The following SMARCB1 variants were observed in gnomAD, a reference collection of about 807,000 sequenced individuals.
The protein encoded by SMARCB1 is SWI/SNF related BAF chromatin remodeling complex subunit B1.
Under a neutral mutation model 49.0 loss-of-function variants are expected in SMARCB1, and 5 were observed. That is an observed-to-expected ratio of 0.10 (90% CI 0.05 to 0.21). The LOEUF (loss-of-function observed/expected upper bound fraction) is 0.21. SMARCB1 is among the 10% of genes least tolerant of loss of function. The pLI is 1.00. For synonymous variants in SMARCB1, 201 were observed against 200.1 expected, an observed-to-expected ratio of 1.00 and a Z score of -0.04; for missense variants, 226 against 509.2, an observed-to-expected ratio of 0.44 and a Z score of 5.35.
At chr22:23,789,085 A>G (rs1928203849) in intron 1 of SMARCB1, among the ~76,000 whole-genome samples, 2 of 152,160 alleles carry the variant, frequency 1.3e-5, no homozygotes, top group African/African-American at 4.8e-5. Flanking sequence ...TGTGAGCTCA[A>G]GTGATCTGCC....
At chr22:23,803,228 A>T (rs1249969926) in intron 4 of SMARCB1, 67 bp from the exon 5 acceptor site, 3 of 1,606,412 alleles carry the variant, frequency 1.9e-6, no homozygotes, top group Admixed American at 1.7e-5. Context: ...GCAGAGAGAG[A>T]GGCTGAAAAT....
At chr22:23,794,033 C>T (rs976857274) in intron 3 of SMARCB1, among the ~76,000 whole-genome samples, 13 of 152,180 alleles carry the variant, frequency 8.5e-5, no homozygotes, top group African/African-American at 2.7e-4. Context: ...CAACTTCTGC[C>T]TACTGGGTTC....
At chr22:23,801,340 G>A (rs1383006390) in intron 4 of SMARCB1, 7 of 698,646 alleles carry the variant, frequency 1.0e-5, no homozygotes, top group South Asian at 6.0e-5. Context: ...CTCAGGGCGC[G>A]GTCCTTGGGC....
In SMARCB1 at chr22:23,833,581, T is replaced by A; in HGVS notation, c.996T>A (p.Pro332=). 6.2e-7 allele frequency: 1 copy of A among 1,614,196 alleles called. No homozygotes were observed. Among genetic ancestry groups the A allele is most frequent in the Non-Finnish European group, 8.5e-7 (1 of 1,180,028 alleles). ...HQKTYAFSEN[P]LPTVEIAIRN... ...CCTCCCCTCCTCGTAGCGAGAACCC[T>A]CTGCCCACAGTGGAGATTGCCATCC... Residue 332 remains proline (P), a synonymous_variant, in exon 8 of 9, where the codon CCT becomes CCA. Transcript: ENST00000644036.
At chr22:23,798,650 C>A (rs1163851091) in intron 3 of SMARCB1, among the ~76,000 whole-genome samples, 1 of 152,092 alleles carries the variant, frequency 6.6e-6, no homozygotes, top group Non-Finnish European at 1.5e-5. Context: ...AGTTAAAGGG[C>A]CCAGAGTCCA....
chr22:23,804,883 C>T (rs1369201982), intron 5 of SMARCB1, among the ~76,000 whole-genome samples: 3 of 152,146 alleles, frequency 2.0e-5, no homozygotes, highest in Non-Finnish European at 2.9e-5. Context: ...AGCATTTTCT[C>T]CTGGGTCAAG....
chr22:23,795,882 C>T (rs1295367190), intron 3 of SMARCB1, among the ~76,000 whole-genome samples: 7 of 150,412 alleles, frequency 4.7e-5, no homozygotes, highest in Non-Finnish European at 4.4e-5. Context: ...CCTCCGCCTC[C>T]TGGGTTCAAG....
At chr22:23,826,127 G>C (rs1038538860) in intron 7 of SMARCB1, 1 of 152,734 alleles carries the variant, frequency 6.5e-6, no homozygotes, top group East Asian at 1.9e-4. Context: ...AGAGTTAAAA[G>C]TGAGGTCAAG....
At chr22:23,811,765 A>T (rs1383569739) in intron 5 of SMARCB1, among the ~76,000 whole-genome samples, 1 of 152,234 alleles carries the variant, frequency 6.6e-6, no homozygotes, top group Non-Finnish European at 1.5e-5. Flanking sequence ...CAAGTCGATA[A>T]TCTAAGCTCT....
intron 7 of SMARCB1, among the ~76,000 whole-genome samples, chr22:23,828,209 C>G (rs778792117): frequency 7.2e-5 from 11 of 152,110 alleles, no homozygotes; most frequent in African/African-American, 2.7e-4. Flanking sequence ...CCCGCCACCA[C>G]GCCCAGCTAA....
chr22:23,801,716 A>G (rs555915630), intron 4 of SMARCB1: 2 of 262,288 alleles, frequency 7.6e-6, no homozygotes, highest in African/African-American at 4.4e-5. Context: ...ACACTTGGCG[A>G]TGTAATTTAG....
chr22:23,803,131 C>A, intron 4 of SMARCB1, 164 bp from the exon 5 acceptor site: 2 of 860,414 alleles, frequency 2.3e-6, no homozygotes, highest in South Asian at 1.4e-5. Flanking sequence ...ACCGTGGCCC[C>A]GGGACCCCTG....
chr22:23,836,598 GTTTC>G lies in SMARCB1; in HGVS notation c.*2422_*2425del. On this transcript the variant is annotated 3_prime_UTR_variant, in exon 9 of 9. Transcript: ENST00000644036. ...AAGCTCTGCCAGGCAACCATGGGCA[GTTTC>G]TTTGCCCTCTGTGGGCACCCCTATC... is the stretch of plus-strand genomic sequence containing the variant. 1 of 1,182,812 alleles carries G rather than the reference GTTTC, an allele frequency of 8.5e-7. No homozygotes were observed. The highest frequency in any genetic ancestry group is 4.1e-5 in the South Asian group (1 of 24,346). 73.3% of individuals were successfully genotyped at this position (1,182,812 alleles called of 1,614,324 possible).
Position 23,816,664 on chromosome 22 carries a change from C to A in SMARCB1, c.629-106C>A, listed in dbSNP as rs527557153. ...ACCCCCAGTGCCCTGGTTGTCCTCT[C>A]CTGCATCCGGAGATGTTTGGCTTCA... is the stretch of plus-strand genomic sequence containing the variant. On this transcript the variant is annotated intron_variant, in intron 5 of 8. Coordinates refer to ENST00000644036, the MANE Select transcript of SMARCB1 (RefSeq NM_003073.5). 4.6e-5 allele frequency: 51 copies of A among 1,101,484 alleles called. No individual in the cohort carries two copies. The South Asian group carries it at 5.4e-4, about 12-fold the overall frequency. The allele number at this position is 1,101,484 out of a possible 1,614,324, so 68.2% of individuals were successfully genotyped here.
In SMARCB1 at chr22:23,799,679, A is replaced by AT. The variant is rs71184912; in HGVS notation, c.363-1242dup. On this transcript the variant is annotated intron_variant, in intron 3 of 8. Coordinates refer to ENST00000644036, the MANE Select transcript of SMARCB1 (RefSeq NM_003073.5). ...AGGTTCCTGCCATCACACCTGGCTA[A>AT]TTTTTTTTTTTTTTTTTTTTTTTGA... 1.8e-3 allele frequency among the ~76,000 whole-genome samples: 122 copies of AT among 68,408 alleles called. 4 individuals carry two copies. Among genetic ancestry groups the AT allele is most frequent in the East Asian group, 5.6e-3 (12 of 2,128 alleles). 44.9% of individuals were successfully genotyped at this position (68,408 alleles called of 152,430 possible).
chr22:23,836,632 C>T lies in SMARCB1; in HGVS notation c.*2452C>T, dbSNP rs2031069016. ...CCCTCTGTGGGCACCCCTATCCTAC[C>T]ACCTGCAGTTGGGCTGAGAGGCCAC... On this transcript the variant is annotated 3_prime_UTR_variant, in exon 9 of 9. Transcript: ENST00000644036. 1.6e-6 allele frequency: 2 copies of T among 1,238,480 alleles called. No individual in the cohort carries two copies. Among genetic ancestry groups the T allele is most frequent in the Non-Finnish European group, 1.0e-6 (1 of 994,374 alleles). The allele number at this position is 1,238,480 out of a possible 1,614,324, so 76.7% of individuals were successfully genotyped here. A position where few individuals can be genotyped will look rare whatever the true frequency, so the allele number is the denominator to read the frequency against.
In SMARCB1 at chr22:23,835,267, G is replaced by A. The variant is rs1464809361; in HGVS notation, c.*1087G>A. On this transcript the variant is annotated 3_prime_UTR_variant, in exon 9 of 9. Transcript: ENST00000644036. ...GTCCCCATTCTTCAGAATGGACACAGGATCTGGGAGGGCAGCAAACTGGCT... is the reference window on the plus strand; with the variant it reads ...GTCCCCATTCTTCAGAATGGACACAAGATCTGGGAGGGCAGCAAACTGGCT... The A allele has an allele frequency of 1.1e-5, 12 of 1,096,750 alleles. No homozygotes were observed. The highest frequency in any genetic ancestry group is 1.3e-5 in the Non-Finnish European group (12 of 902,076). The allele number at this position is 1,096,750 out of a possible 1,614,324, so 67.9% of individuals were successfully genotyped here.
chr22:23,798,817 G>A (rs1377476424), intron 3 of SMARCB1, among the ~76,000 whole-genome samples: 4 of 152,190 alleles, frequency 2.6e-5, no homozygotes, highest in South Asian at 2.1e-4. Flanking sequence ...TTGGGAGGCC[G>A]AGGCGGGCGG....
chr22:23,796,451 C>G (rs1324215469), intron 3 of SMARCB1, among the ~76,000 whole-genome samples: 2 of 152,164 alleles, frequency 1.3e-5, no homozygotes, highest in Non-Finnish European at 2.9e-5. Context: ...GCATTCAGCT[C>G]TCAACAAAGT....
Sources: allele counts gnomAD v4.1 joint callset (sites outside exome capture counted in the v4.1 genomes callset), GRCh38; gene constraint gnomAD v4.1.1; transcripts MANE v1.5; gene names NCBI Gene and HGNC (gene_info 2026-07-23, HGNC 2026-07-21).